GABRB1: variants seen among roughly 807,000 people sequenced by gnomAD.
GABRB1 encodes gamma-aminobutyric acid receptor subunit beta-1.
In GABRB1, 17 loss-of-function variants were observed where a neutral mutation model predicts 51.6. The observed-to-expected ratio is 0.33, with a 90% CI of 0.23 to 0.49. GABRB1 has a LOEUF of 0.49. GABRB1 is among the 20% of genes least tolerant of loss of function. GABRB1 has a pLI of 0.99. For synonymous variants in GABRB1, 247 were observed against 218.9 expected, an observed-to-expected ratio of 1.13 and a Z score of -1.14; for missense variants, 410 against 600.6, an observed-to-expected ratio of 0.68 and a Z score of 3.32.
intron 3 of GABRB1, among the ~76,000 whole-genome samples, chr4:47,142,838 AG>A (rs1050764214): frequency 6.6e-6 from 1 of 151,910 alleles, no homozygotes; most frequent in Non-Finnish European, 1.5e-5. Context: ...GGATGTGAAA[AG>A]TAAATAATTG....
At chr4:47,112,051 C>A (rs1259865920) in intron 3 of GABRB1, among the ~76,000 whole-genome samples, 2 of 150,890 alleles carry the variant, frequency 1.3e-5, no homozygotes, top group Non-Finnish European at 2.9e-5. Flanking sequence ...CTCACTGCAA[C>A]CTCCACCTCC....
At chr4:47,356,503 G>A (rs571456953) in intron 5 of GABRB1, among the ~76,000 whole-genome samples, 47 of 152,252 alleles carry the variant, frequency 3.1e-4, no homozygotes, top group African/African-American at 1.0e-3. Flanking sequence ...CTTGTCTGCT[G>A]TGCCATCTCT....
intron 3 of GABRB1, among the ~76,000 whole-genome samples, chr4:47,122,522 A>C (rs1164432153): frequency 6.6e-6 from 1 of 152,198 alleles, no homozygotes; most frequent in African/African-American, 2.4e-5. Flanking sequence ...GGAAGCACCA[A>C]CTTCAGAAAG....
At chr4:47,048,803 C>T in intron 3 of GABRB1, among the ~76,000 whole-genome samples, 1 of 152,058 alleles carries the variant, frequency 6.6e-6, no homozygotes, top group East Asian at 1.9e-4. Flanking sequence ...ACTTCTAACC[C>T]CCTTTCTCAT....
intron 4 of GABRB1, among the ~76,000 whole-genome samples, chr4:47,237,821 G>A (rs1174352685): frequency 6.6e-6 from 1 of 151,786 alleles, no homozygotes. Flanking sequence ...CTTGGTGTTT[G>A]ACCTCAAAAA....
chr4:47,077,979 A>AATATATAATATATATAATATATATATTTT (rs1727647121), intron 3 of GABRB1, among the ~76,000 whole-genome samples: 1 of 37,898 alleles, frequency 2.6e-5, no homozygotes, highest in African/African-American at 1.3e-4. Context: ...TTTTATATAT[A>AATATATAATATATATAATATATATATTTT]ATATATAATA....
chr4:47,323,256 G>C (rs1047847894), intron 5 of GABRB1, among the ~76,000 whole-genome samples: 2 of 152,128 alleles, frequency 1.3e-5, no homozygotes, highest in African/African-American at 4.8e-5. Context: ...AGCTTCTGAT[G>C]ACAGCATAAT....
At chr4:47,283,355 C>CTTTTTTTT (rs1723367330) in intron 4 of GABRB1, among the ~76,000 whole-genome samples, 1 of 120,682 alleles carries the variant, frequency 8.3e-6, no homozygotes, top group African/African-American at 3.1e-5. Flanking sequence ...CCTGGTGGCC[C>CTTTTTTTT]CTTTTTTTTT....
intron 5 of GABRB1, among the ~76,000 whole-genome samples, chr4:47,350,218 T>TATATATATATATATAGAG (rs750199965): frequency 5.3e-5 from 3 of 56,654 alleles, no homozygotes; most frequent in South Asian, 8.5e-4. Flanking sequence ...TATATATATA[T>TATATATATATATATAGAG]AGAGAGAGAG....
chr4:47,198,447 T>G (rs556856840), intron 4 of GABRB1, among the ~76,000 whole-genome samples: 1 of 152,124 alleles, frequency 6.6e-6, no homozygotes, highest in Non-Finnish European at 1.5e-5. Context: ...GAAATACAGA[T>G]GTTACAGACT....
chr4:47,327,869 C>A (rs547284298), intron 5 of GABRB1, among the ~76,000 whole-genome samples: 5 of 152,246 alleles, frequency 3.3e-5, no homozygotes, highest in African/African-American at 1.2e-4. Context: ...AGTTCTAGAT[C>A]CCTGAGGAAT....
At chr4:47,235,475 G>T (rs543155377) in intron 4 of GABRB1, among the ~76,000 whole-genome samples, 1 of 152,060 alleles carries the variant, frequency 6.6e-6, no homozygotes, top group South Asian at 2.1e-4. Context: ...CTTGAACCAG[G>T]GAGTCAGACG....
intron 5 of GABRB1, among the ~76,000 whole-genome samples, chr4:47,352,835 A>G (rs1726405982): frequency 6.6e-6 from 1 of 152,202 alleles, no homozygotes; most frequent in Admixed American, 6.5e-5. Flanking sequence ...AAGAGAGTAT[A>G]GGATGTTCAG....
intron 5 of GABRB1, among the ~76,000 whole-genome samples, chr4:47,393,602 C>A (rs1252589447): frequency 6.6e-6 from 1 of 152,182 alleles, no homozygotes; most frequent in African/African-American, 2.4e-5. Flanking sequence ...AGTTTTCTTG[C>A]TAAAATTGAG....
At chr4:47,360,365 T>G (rs1398420423) in intron 5 of GABRB1, among the ~76,000 whole-genome samples, 1 of 152,030 alleles carries the variant, frequency 6.6e-6, no homozygotes, top group Non-Finnish European at 1.5e-5. Context: ...AGAGTTTTTT[T>G]TTTCTCTCAT....
chr4:47,139,735 T>C (rs1276758464), intron 3 of GABRB1, among the ~76,000 whole-genome samples: 1 of 152,028 alleles, frequency 6.6e-6, no homozygotes, highest in African/African-American at 2.4e-5. Flanking sequence ...TCTACTGTAG[T>C]GCTCTCAAAC....
At position 47,124,462 on chromosome 4, in the gene GABRB1, T is replaced by G. The variant is rs1189576274; in HGVS notation, c.241-36787T>G. 2.6e-5 allele frequency among the ~76,000 whole-genome samples: 4 copies of G among 152,176 alleles called. No homozygotes were observed. In the East Asian group the frequency reaches 7.7e-4, roughly 29 times the overall value. ...ACAAGACTACACAATTTAAGAAGAA[T>G]CAGGCAAATATAAAACCACAAAGGA... On this transcript the variant is annotated intron_variant, in intron 3 of 8. Coordinates refer to ENST00000295454, the MANE Select transcript of GABRB1 (RefSeq NM_000812.4).
At chr4:47,335,766 G>A (rs773714656) in intron 5 of GABRB1, among the ~76,000 whole-genome samples, 6 of 152,190 alleles carry the variant, frequency 3.9e-5, no homozygotes, top group Admixed American at 1.3e-4. Context: ...ACTAGAAGTA[G>A]CAAAAACTAA....
intron 5 of GABRB1, among the ~76,000 whole-genome samples, chr4:47,370,274 G>A (rs536205502): frequency 1.2e-4 from 19 of 152,264 alleles, no homozygotes; most frequent in African/African-American, 4.1e-4. Context: ...GGATCACAAA[G>A]TCAGGAGTTC....
Sources: gnomAD v4.1 joint callset for allele counts (sites outside exome capture counted in the v4.1 genomes callset) on GRCh38, gnomAD v4.1.1 for gene constraint, MANE v1.5 for transcripts, NCBI Gene and HGNC (gene_info 2026-07-23, HGNC 2026-07-21) for gene names.